EDA: variants seen among roughly 807,000 people sequenced by gnomAD.
EDA encodes the protein ectodysplasin-A.
Under a neutral mutation model 23.6 loss-of-function variants are expected in EDA, and 2 were observed. That is an observed-to-expected ratio of 0.08 (90% CI 0.03 to 0.27). EDA has a LOEUF of 0.27. EDA is among the 10% of genes least tolerant of loss of function. The probability of loss-of-function intolerance (pLI) is 1.00; values close to 1 mark genes in which losing one functional copy is unlikely to be tolerated. For synonymous variants in EDA, 131 were observed against 132.0 expected, an observed-to-expected ratio of 0.99 and a Z score of 0.05; for missense variants, 229 against 324.2, an observed-to-expected ratio of 0.71 and a Z score of 2.26.
intron 1 of EDA, among the ~76,000 whole-genome samples, chrX:69,718,201 T>C (rs2012422834): frequency 8.9e-6 from 1 of 112,308 alleles, no homozygotes; most frequent in Non-Finnish European, 1.9e-5. Flanking sequence ...TAAGTGTTTT[T>C]CTGTAGTTTC....
In EDA at chrX:69,946,661, C is replaced by G. The variant is rs775177225; in HGVS notation, c.397-10366C>G. Among the ~76,000 whole-genome samples the G allele has an allele frequency of 2.4e-4, 27 of 111,156 alleles. No individual in the cohort carries two copies. The South Asian group carries it at 1.0e-2, about 41-fold the overall frequency. On this transcript the variant is annotated intron_variant, in intron 1 of 7. Transcript: ENST00000374552. ...CTTATTTGTATCCTATTCCCCTCCC[C>G]CAAGTTCTGACTGTTGCAACTCTGT...
chrX:69,940,445 A>G (rs1311225562), intron 1 of EDA, among the ~76,000 whole-genome samples: 1 of 97,863 alleles, frequency 1.0e-5, no homozygotes, highest in Admixed American at 1.1e-4. Context: ...CTCCTTTTTC[A>G]TCTCTAATTT....
chrX:69,830,304 G>A (rs1007017971), intron 1 of EDA, among the ~76,000 whole-genome samples: 4 of 111,782 alleles, frequency 3.6e-5, no homozygotes, highest in Admixed American at 2.9e-4. Flanking sequence ...AGCTGTTCAT[G>A]TCCACACCTG....
At chrX:69,738,710 T>C (rs760780723) in intron 1 of EDA, among the ~76,000 whole-genome samples, 74 of 109,887 alleles carry the variant, frequency 6.7e-4, no homozygotes, top group Non-Finnish European at 1.2e-3. Context: ...CATCTCAAAA[T>C]ATTTTCTAAT....
At chrX:69,779,035 TGAG>T (rs1166300463) in intron 1 of EDA, among the ~76,000 whole-genome samples, 1 of 111,467 alleles carries the variant, frequency 9.0e-6, no homozygotes, top group Non-Finnish European at 1.9e-5. Flanking sequence ...AAATAAGTGT[TGAG>T]GAGGATTCAG....
chrX:69,960,606 C>T (rs2019085418), intron 2 of EDA, among the ~76,000 whole-genome samples: 1 of 109,965 alleles, frequency 9.1e-6, no homozygotes, highest in African/African-American at 3.3e-5. Context: ...CTGCTCTGAA[C>T]AGAATAAGAG....
chrX:69,749,922 C>CTTT (rs1569317439), intron 1 of EDA, among the ~76,000 whole-genome samples: 3 of 33,249 alleles, frequency 9.0e-5, no homozygotes, highest in Non-Finnish European at 1.4e-4. Context: ...CACTAAGGTT[C>CTTT]TTTTTTTTTT....
intron 3 of EDA, among the ~76,000 whole-genome samples, chrX:70,024,804 G>A (rs2020085727): frequency 1.8e-5 from 2 of 111,991 alleles, no homozygotes; most frequent in African/African-American, 6.5e-5. Context: ...TTGATTTTGG[G>A]CTTAGCTAAA....
At chrX:69,719,756 C>CT (rs1287499879) in intron 1 of EDA, among the ~76,000 whole-genome samples, 39 of 102,552 alleles carry the variant, frequency 3.8e-4, no homozygotes, top group South Asian at 8.7e-4. Context: ...CATTTTCTTT[C>CT]TTTTTTTTTT....
chrX:69,909,968 T>C (rs1242722958), intron 1 of EDA, among the ~76,000 whole-genome samples: 1 of 111,888 alleles, frequency 8.9e-6, no homozygotes, highest in Admixed American at 9.5e-5. Context: ...ATAATGATGA[T>C]AATGAACTCA....
chrX:69,661,286 C>T (rs1431562480), intron 1 of EDA, among the ~76,000 whole-genome samples: 7 of 60,201 alleles, frequency 1.2e-4, no homozygotes, highest in Admixed American at 2.0e-4. Flanking sequence ...TTTTCTCCCA[C>T]TCTGTAGGTT....
At position 69,645,604 on chromosome X, in the gene EDA, A is replaced by ATATATATGTGTG. The variant is rs1932908165; in HGVS notation, c.396+28907_396+28908insGTGTGTATATAT. Among the ~76,000 whole-genome samples, 2 of 38,557 alleles carry ATATATATGTGTG rather than the reference A, an allele frequency of 5.2e-5. 1 individual carries two copies. The highest frequency in any genetic ancestry group is 8.3e-5 in the Non-Finnish European group (2 of 24,042). The allele number at this position is 38,557 out of a possible 115,157, so 33.5% of individuals were successfully genotyped here. ...TTCTTTTATATATATGTGTGTGTGT[A>ATATATATGTGTG]TATATATATATGTGTGTGTATATAT... On this transcript the variant is annotated intron_variant, in intron 1 of 7. Transcript: ENST00000374552.
intron 1 of EDA, among the ~76,000 whole-genome samples, chrX:69,734,163 T>G (rs2013159712): frequency 8.9e-6 from 1 of 111,813 alleles, no homozygotes; most frequent in African/African-American, 3.2e-5. Context: ...TTCAGTGAGC[T>G]TTTATAATTT....
Position 70,035,444 on chromosome X carries a change from G to T in EDA, c.1011G>T (p.Glu337Asp). The change falls in exon 8 of 8, where the codon GAG becomes GAT. Residue 337 changes from glutamate to aspartate, a missense_variant. Transcript: ENST00000374552. ...TCCTGCAGTGCACACGCAGCATCGA[G>T]ACGGGCAAGACCAACTACAACACTT... Reference protein sequence around the residue: ...KPFLQCTRSIETGKTNYNTCY... With the variant: ...KPFLQCTRSIDTGKTNYNTCY... 1 of 1,210,690 alleles carries T rather than the reference G, an allele frequency of 8.3e-7. No individual in the cohort carries two copies. The highest frequency in any genetic ancestry group is 1.1e-6 in the Non-Finnish European group (1 of 895,276).
At chrX:69,753,760 G>C (rs1489173860) in intron 1 of EDA, among the ~76,000 whole-genome samples, 1 of 111,698 alleles carries the variant, frequency 9.0e-6, no homozygotes, top group Non-Finnish European at 1.9e-5. Context: ...GGGTGCTCCT[G>C]TCTTGGGTGC....
At chrX:69,703,186 C>G (rs755891237) in intron 1 of EDA, among the ~76,000 whole-genome samples, 2 of 111,631 alleles carry the variant, frequency 1.8e-5, no homozygotes, top group African/African-American at 6.5e-5. Context: ...GTGCCTGGCA[C>G]ACACCGGAAC....
chrX:69,673,520 A>G (rs1429168239), intron 1 of EDA, among the ~76,000 whole-genome samples: 1 of 111,355 alleles, frequency 9.0e-6, no homozygotes, highest in Non-Finnish European at 1.9e-5. Flanking sequence ...CCACACTTTC[A>G]TGAATTTATC....
At chrX:69,867,084 A>G (rs1602496194) in intron 1 of EDA, among the ~76,000 whole-genome samples, 1 of 111,880 alleles carries the variant, frequency 8.9e-6, no homozygotes, top group Admixed American at 9.4e-5. Flanking sequence ...GAATGGTGCT[A>G]TATCGAGGGC....
intron 1 of EDA, among the ~76,000 whole-genome samples, chrX:69,696,883 T>G (rs1391507605): frequency 1.8e-5 from 2 of 112,719 alleles, no homozygotes; most frequent in African/African-American, 6.4e-5. Flanking sequence ...ATTAATATTT[T>G]GGTATTTTTA....
Sources: gnomAD v4.1 joint callset for allele counts (sites outside exome capture counted in the v4.1 genomes callset) on GRCh38, gnomAD v4.1.1 for gene constraint, MANE v1.5 for transcripts, NCBI Gene and HGNC (gene_info 2026-07-23, HGNC 2026-07-21) for gene names.